UQCR11: variants seen among roughly 807,000 people sequenced by gnomAD.
UQCR11 encodes cytochrome b-c1 complex subunit 10.
A neutral mutation model predicts 7.6 loss-of-function variants in UQCR11; 10 were observed. The ratio of observed to expected loss-of-function variants is 1.31; its 90% CI spans 0.81 to 2.22. The LOEUF is 2.22. UQCR11 is among the 30% of genes most tolerant of loss of function. The probability of loss-of-function intolerance (pLI) is 0.00; values close to 1 mark genes in which losing one functional copy is unlikely to be tolerated. For synonymous variants in UQCR11, 34 were observed against 34.9 expected, an observed-to-expected ratio of 0.97 and a Z score of 0.09; for missense variants, 86 against 75.1, an observed-to-expected ratio of 1.15 and a Z score of -0.54.
rs1027420698 is a variant in UQCR11 at position 1,598,196 on chromosome 19, G to A, written c.*48C>T. On this transcript the variant is annotated 3_prime_UTR_variant, in exon 3 of 3. Coordinates refer to ENST00000591899, the MANE Select transcript of UQCR11 (RefSeq NM_006830.4). ...GATGCAGCAGGTGCTGAGGTGGGAG[G>A]AGCTAGCACCACCAGGCACCTGGAG... The A allele has an allele frequency of 6.6e-6, 1 of 152,378 alleles. No individual in the cohort carries two copies. Among genetic ancestry groups the A allele is most frequent in the Non-Finnish European group, 1.5e-5 (1 of 68,142 alleles). The allele number at this position is 152,378 out of a possible 1,614,324, so 9.4% of individuals were successfully genotyped here. A position where few individuals can be genotyped will look rare whatever the true frequency, so the allele number is the denominator to read the frequency against.
chr19:1,603,860 T>C (rs866973653), intron 1 of UQCR11, among the ~76,000 whole-genome samples: 6 of 152,196 alleles, frequency 3.9e-5, no homozygotes, highest in African/African-American at 1.4e-4. Context: ...AGCTCCACCG[T>C]GCAGACCCTG....
chr19:1,604,722 T>C (rs980065732), intron 1 of UQCR11, among the ~76,000 whole-genome samples: 11 of 151,938 alleles, frequency 7.2e-5, no homozygotes, highest in Admixed American at 2.0e-4. Context: ...GAGACGCGGG[T>C]TTCACCACGT....
chr19:1,605,292 C>G (rs2060758753), intron 1 of UQCR11, 68 bp downstream of exon 1: 1 of 1,486,742 alleles, frequency 6.7e-7, no homozygotes, highest in African/African-American at 1.5e-5. Flanking sequence ...CGCACAAATA[C>G]GGAACGCAGC....
chr19:1,604,808 C>T (rs2060757064), intron 1 of UQCR11, among the ~76,000 whole-genome samples: 1 of 152,220 alleles, frequency 6.6e-6, no homozygotes, highest in Admixed American at 6.5e-5. Context: ...GGATCACAGG[C>T]GGGAGCCACC....
Position 1,599,543 on chromosome 19 carries a change from G to A in UQCR11, c.68C>T (p.Thr23Ile), listed in dbSNP as rs760238031. Reference sequence around the variant, plus strand: ...CCCCACGGCGCCCACAGCGCCCCATGTGTAGGCCGTCGGGACCCTGCGAGA... The same window carrying A: ...CCCCACGGCGCCCACAGCGCCCCATATGTAGGCCGTCGGGACCCTGCGAGA... ...LVKNWVPTAY[T>I]WGAVGAVGLV... Residue 23 changes from threonine to isoleucine, a missense_variant, in exon 2 of 3, where the codon ACA becomes ATA. By Grantham distance (89) the Thr-to-Ile change is moderately conservative. Transcript: ENST00000591899. 6.8e-6 allele frequency: 11 copies of A among 1,611,342 alleles called. No homozygotes were observed. The East Asian group carries it at 2.5e-4, about 36-fold the overall frequency.
At position 1,599,498 on chromosome 19, in the gene UQCR11, C is replaced by A; in HGVS notation, c.113G>T (p.Trp38Leu). Residue 38 changes from tryptophan to leucine, a missense_variant, in exon 2 of 3, where the codon TGG becomes TTG. Trp to Leu is a moderately conservative substitution (Grantham distance 61). Coordinates refer to ENST00000591899, the MANE Select transcript of UQCR11 (RefSeq NM_006830.4). ...GAVGLVWATD[W>L]RLILDWVPYI... ...AGGTACCCAGTCCAGGATCAGCCGC[C>A]AATCGGTGGCCCACACCAGCCCCAC... 1 of 1,613,668 alleles carries A rather than the reference C, an allele frequency of 6.2e-7. No homozygotes were observed. The highest frequency in any genetic ancestry group is 8.5e-7 in the Non-Finnish European group (1 of 1,180,016).
At chr19:1,599,024 C>A (rs2060739302) in intron 2 of UQCR11, 2 of 217,044 alleles carry the variant, frequency 9.2e-6, no homozygotes, top group Non-Finnish European at 1.9e-5. Flanking sequence ...CAGGGCCTCA[C>A]AGGCGCTTCC....
Position 1,599,427 on chromosome 19 carries a change from AG to A in UQCR11, c.*12del. 1 of 1,613,382 alleles carries A rather than the reference AG, an allele frequency of 6.2e-7. No individual in the cohort carries two copies. The highest frequency in any genetic ancestry group is 8.5e-7 in the Non-Finnish European group (1 of 1,179,824). ...TGAAACTTACCAGAGCAGTCTGTGA[AG>A]GGTTTGTGTAATTAATTATCCTTCT... On this transcript the variant is annotated 3_prime_UTR_variant, in exon 2 of 3. Transcript: ENST00000591899.
rs113965864 is a variant in UQCR11 at position 1,599,409 on chromosome 19, T to C, written c.*28+3A>G. 1.2e-6 allele frequency: 2 copies of C among 1,612,026 alleles called. No individual in the cohort carries two copies. Among genetic ancestry groups the C allele is most frequent in the African/African-American group, 1.3e-5 (1 of 74,928 alleles). On this transcript the variant is annotated splice_donor_region_variant and intron_variant, in intron 2 of 2. Transcript: ENST00000591899. Reference sequence around the variant, plus strand: ...CCACCCACCGCAGCCCACTGAAACTTACCAGAGCAGTCTGTGAAGGGTTTG... The same window carrying C: ...CCACCCACCGCAGCCCACTGAAACTCACCAGAGCAGTCTGTGAAGGGTTTG...
At chr19:1,605,079 C>T (rs1243238940) in intron 1 of UQCR11, among the ~76,000 whole-genome samples, 1 of 152,254 alleles carries the variant, frequency 6.6e-6, no homozygotes, top group Non-Finnish European at 1.5e-5. Flanking sequence ...AGGGGGTCAC[C>T]ATTCGGATCC....
At chr19:1,599,741 C>G (rs967120620) in intron 1 of UQCR11, among the ~76,000 whole-genome samples, 181 bp from the exon 2 acceptor site, 2 of 152,254 alleles carry the variant, frequency 1.3e-5, no homozygotes, top group East Asian at 3.8e-4. Context: ...CCCATGCTGC[C>G]GGCTCTCAGG....
intron 1 of UQCR11, among the ~76,000 whole-genome samples, chr19:1,600,742 C>G (rs1473170346): frequency 6.6e-6 from 1 of 152,112 alleles, no homozygotes; most frequent in Non-Finnish European, 1.5e-5. Flanking sequence ...GGTGTGGTGG[C>G]ACATGCCAGT....
At chr19:1,602,077 A>T (rs1303046663) in intron 1 of UQCR11, 1 of 152,044 alleles carries the variant, frequency 6.6e-6, no homozygotes. Flanking sequence ...CAGGAGAATC[A>T]CTTGAACTCT....
At chr19:1,602,511 A>G (rs1683513411) in intron 1 of UQCR11, 1 of 152,080 alleles carries the variant, frequency 6.6e-6, no homozygotes, top group Non-Finnish European at 1.5e-5. Context: ...GAGTGCAATG[A>G]CGCAATCTCA....
intron 1 of UQCR11, 75 bp downstream of exon 1, chr19:1,605,285 A>G: frequency 5.4e-6 from 8 of 1,469,002 alleles, no homozygotes; most frequent in Non-Finnish European, 7.2e-6. Flanking sequence ...GGAAACGCGC[A>G]CAAATACGGA....
chr19:1,599,120 G>A (rs578050605), intron 2 of UQCR11: 11 of 334,528 alleles, frequency 3.3e-5, no homozygotes, highest in African/African-American at 2.3e-4. Context: ...AGTTCAGGCT[G>A]CAGTGCCCAC....
At position 1,597,977 on chromosome 19, in the gene UQCR11, G is replaced by A. The variant is rs577602360; in HGVS notation, c.*267C>T. 1 of 152,332 alleles carries A rather than the reference G, an allele frequency of 6.6e-6. No individual in the cohort carries two copies. Among genetic ancestry groups the A allele is most frequent in the East Asian group, 1.9e-4 (1 of 5,190 alleles). 9.4% of individuals were successfully genotyped at this position (152,332 alleles called of 1,614,324 possible). On this transcript the variant is annotated 3_prime_UTR_variant, in exon 3 of 3. Transcript: ENST00000591899. ...ACATTCTGGAGCTGAAAGGACGCCT[G>A]GGTCACCTGTGCCACTCCAGCTACA...
chr19:1,604,259 TG>T (rs1417610007), intron 1 of UQCR11, among the ~76,000 whole-genome samples: 1 of 152,160 alleles, frequency 6.6e-6, no homozygotes, highest in African/African-American at 2.4e-5. Flanking sequence ...TAAATTTTTT[TG>T]TAGAGATAAG....
At chr19:1,605,189 G>C (rs2060758371) in intron 1 of UQCR11, among the ~76,000 whole-genome samples, 171 bp downstream of exon 1, 1 of 152,190 alleles carries the variant, frequency 6.6e-6, no homozygotes, top group Non-Finnish European at 1.5e-5. Context: ...TTCACGCCGG[G>C]ACGCGCCGCT....
Sources: allele counts gnomAD v4.1 joint callset (sites outside exome capture counted in the v4.1 genomes callset), GRCh38; gene constraint gnomAD v4.1.1; transcripts MANE v1.5; gene names NCBI Gene and HGNC (gene_info 2026-07-23, HGNC 2026-07-21).